Variants in DOP1B observed in about 807,000 individuals in gnomAD.
The protein encoded by DOP1B is protein DOP1B.
In DOP1B, 174 loss-of-function variants were observed where a neutral mutation model predicts 233.5. The observed-to-expected ratio is 0.75, with a 90% CI of 0.66 to 0.85. The LOEUF (loss-of-function observed/expected upper bound fraction) is 0.85, where lower values mean the gene tolerates loss of function less well. DOP1B is among the 40% of genes least tolerant of loss of function. DOP1B has a pLI of 0.00. For synonymous variants in DOP1B, 1,190 were observed against 1,185.6 expected, an observed-to-expected ratio of 1.00 and a Z score of -0.08; for missense variants, 2,652 against 2,846.6, an observed-to-expected ratio of 0.93 and a Z score of 1.56.
chr21:36,239,856 G>T lies in DOP1B; in HGVS notation c.2968G>T (p.Gly990Trp). ...QGWLVRALSL[G>W]DVARILEPVL... ...CTGGCTGGTGCGTGCGCTCTCCCTC[G>T]GGGACGTGGCTCGCATCCTCGAACC... Residue 990 changes from glycine to tryptophan, a missense_variant, in exon 18 of 37, where the codon GGG becomes TGG. By Grantham distance (184) the Gly-to-Trp change is radical (BLOSUM62 -2). Transcript: ENST00000691173. The T allele has an allele frequency of 6.3e-7, 1 of 1,593,844 alleles. No homozygotes were observed. The highest frequency in any genetic ancestry group is 8.5e-7 in the Non-Finnish European group (1 of 1,171,890).
At chr21:36,289,888 G>A (rs1457645718) in intron 35 of DOP1B, among the ~76,000 whole-genome samples, 2 of 152,152 alleles carry the variant, frequency 1.3e-5, no homozygotes, top group African/African-American at 2.4e-5. Context: ...CAGGGGTTGG[G>A]GAGAGGGAGG....
At chr21:36,238,541 C>T in intron 16 of DOP1B, 60 bp from the exon 17 acceptor site, 1 of 1,417,938 alleles carries the variant, frequency 7.1e-7, no homozygotes, top group Non-Finnish European at 1.0e-6. Flanking sequence ...TTTATGGTGA[C>T]TGAAGACAGT....
chr21:36,252,070 A>T (rs2067037815), intron 22 of DOP1B, among the ~76,000 whole-genome samples: 1 of 151,896 alleles, frequency 6.6e-6, no homozygotes, highest in African/African-American at 2.4e-5. Flanking sequence ...CCAGCTACTC[A>T]AGAGGCTAAG....
intron 2 of DOP1B, among the ~76,000 whole-genome samples, chr21:36,166,930 G>A (rs2065916664): frequency 6.6e-6 from 1 of 152,164 alleles, no homozygotes; most frequent in South Asian, 2.1e-4. Flanking sequence ...TGGCTGGGGT[G>A]GATAAATGTT....
intron 30 of DOP1B, 151 bp downstream of exon 30, chr21:36,278,506 C>A: frequency 1.4e-6 from 1 of 726,080 alleles, no homozygotes; most frequent in Non-Finnish European, 2.2e-6. Flanking sequence ...GCATGTTGAC[C>A]ATGTGTTCAT....
rs773259719 is a variant in DOP1B, at chr21:36,292,159, G to T, written c.6571G>T (p.Asp2191Tyr). 1 of 1,612,320 alleles carries T rather than the reference G, an allele frequency of 6.2e-7. No individual in the cohort carries two copies. The highest frequency in any genetic ancestry group is 2.2e-5 in the East Asian group (1 of 44,820). ...VDTEGPAFLS[D>Y]VEENHQECKP... is the part of the protein sequence containing the mutation. ...CACAGAGGGCCCTGCCTTCCTGTCGGATGTAGAGGAGAATCACCAAGAATG... is the reference window on the plus strand; with the variant it reads ...CACAGAGGGCCCTGCCTTCCTGTCGTATGTAGAGGAGAATCACCAAGAATG... Residue 2191 changes from aspartate (D) to tyrosine (Y), a missense_variant, in exon 36 of 37, where the codon GAT (aspartate) becomes TAT (tyrosine). Asp to Tyr is a radical substitution (Grantham distance 160). Coordinates refer to ENST00000691173, the MANE Select transcript of DOP1B (RefSeq NM_001320714.2).
At chr21:36,185,202 A>G (rs976940876) in intron 2 of DOP1B, among the ~76,000 whole-genome samples, 1 of 152,094 alleles carries the variant, frequency 6.6e-6, no homozygotes, top group Admixed American at 6.6e-5. Context: ...TAATGGTATG[A>G]TTACTTTTAT....
At chr21:36,176,129 C>T (rs192631273) in intron 2 of DOP1B, among the ~76,000 whole-genome samples, 89 of 16,346 alleles carry the variant, frequency 5.4e-3, no homozygotes, top group Middle Eastern at 0.038. Flanking sequence ...TGTGGTGATA[C>T]AGTTAAGCAC....
At chr21:36,178,113 T>A (rs2066052711) in intron 2 of DOP1B, among the ~76,000 whole-genome samples, 1 of 152,154 alleles carries the variant, frequency 6.6e-6, no homozygotes, top group South Asian at 2.1e-4. Context: ...TAGCTGTATA[T>A]CAAGGTAGGA....
intron 24 of DOP1B, 173 bp downstream of exon 24, chr21:36,260,905 C>G: frequency 1.4e-6 from 2 of 1,427,514 alleles, no homozygotes; most frequent in Non-Finnish European, 1.8e-6. Flanking sequence ...TTTTCCTTCT[C>G]CAGAGAGTTA....
Position 36,260,733 on chromosome 21 carries a change from G to A in DOP1B, c.5315+1G>A, listed in dbSNP as rs1275652452. 6.2e-7 allele frequency: 1 copy of A among 1,613,920 alleles called. No individual in the cohort carries two copies. Among genetic ancestry groups the A allele is most frequent in the Non-Finnish European group, 8.5e-7 (1 of 1,179,952 alleles). Reference sequence around the variant, plus strand: ...AGTTTTGCTATGCTTTTCTCCAAAGGTAATACAGTCCCCCGTCCTCCAAAA... The same window carrying A: ...AGTTTTGCTATGCTTTTCTCCAAAGATAATACAGTCCCCCGTCCTCCAAAA... On this transcript the variant is annotated splice_donor_variant, in intron 24 of 36. Coordinates refer to ENST00000691173, the MANE Select transcript of DOP1B (RefSeq NM_001320714.2). LOFTEE classifies it high-confidence loss of function.
At chr21:36,240,168 A>G (rs572239413) in intron 18 of DOP1B, among the ~76,000 whole-genome samples, 6 of 152,258 alleles carry the variant, frequency 3.9e-5, no homozygotes, top group African/African-American at 1.4e-4. Context: ...CTGAAAAACC[A>G]GATTGTTTTG....
intron 30 of DOP1B, 131 bp from the exon 31 acceptor site, chr21:36,280,154 C>T (rs1436427831): frequency 1.8e-5 from 11 of 610,116 alleles, no homozygotes; most frequent in East Asian, 3.3e-5. Flanking sequence ...GGATTATAGG[C>T]GTGAGCCACT....
At chr21:36,158,887 G>A (rs2065844765) in intron 1 of DOP1B, among the ~76,000 whole-genome samples, 1 of 151,944 alleles carries the variant, frequency 6.6e-6, no homozygotes, top group African/African-American at 2.4e-5. Context: ...CAACACTTTG[G>A]GAGGCCGAGG....
chr21:36,160,167 A>G (rs1189427330), intron 1 of DOP1B, among the ~76,000 whole-genome samples: 2 of 151,976 alleles, frequency 1.3e-5, no homozygotes, highest in Non-Finnish European at 2.9e-5. Flanking sequence ...ACCATTTTGG[A>G]TATATCAACT....
chr21:36,186,690 A>G (rs983168742), intron 2 of DOP1B, among the ~76,000 whole-genome samples: 157 of 152,194 alleles, frequency 1.0e-3, no homozygotes, highest in African/African-American at 3.7e-3. Flanking sequence ...TGGGCTTTGC[A>G]GGGCGCTGGC....
intron 9 of DOP1B, among the ~76,000 whole-genome samples, chr21:36,219,130 A>G (rs1168297357): frequency 6.6e-6 from 1 of 152,214 alleles, no homozygotes; most frequent in African/African-American, 2.4e-5. Flanking sequence ...TAATAGATGT[A>G]AAACGCGTAG....
At position 36,246,222 on chromosome 21, in the gene DOP1B, A is replaced by C; in HGVS notation, c.4242A>C (p.Pro1414=). 1.2e-6 allele frequency: 2 copies of C among 1,613,876 alleles called. No homozygotes were observed. The highest frequency in any genetic ancestry group is 1.7e-6 in the Non-Finnish European group (2 of 1,180,028). Residue 1414 remains proline (P), a synonymous_variant, in exon 19 of 37, where the codon CCA becomes CCC. Coordinates refer to ENST00000691173, the MANE Select transcript of DOP1B (RefSeq NM_001320714.2). The surrounding 1 kb of genome is among the most constrained non-coding windows in gnomAD (Gnocchi z 5.1). ...LATAHHGRAL[P]EDSLFEESLI... is the part of the protein sequence containing the mutation. Reference sequence around the variant, plus strand: ...CCGCCCACCACGGCAGGGCCCTGCCAGAGGACAGCCTCTTTGAGGAGAGTC... The same window carrying C: ...CCGCCCACCACGGCAGGGCCCTGCCCGAGGACAGCCTCTTTGAGGAGAGTC...
Position 36,199,262 on chromosome 21 carries a change from T to G in DOP1B, c.320+11T>G. On this transcript the variant is annotated intron_variant, in intron 3 of 36. Coordinates refer to ENST00000691173, the MANE Select transcript of DOP1B (RefSeq NM_001320714.2). ...CTTGTTTCTGTACAGGTGCGATTGCTTCTCTGCTGTGTTCCTTTTTATTAC... is the reference window on the plus strand; with the variant it reads ...CTTGTTTCTGTACAGGTGCGATTGCGTCTCTGCTGTGTTCCTTTTTATTAC... The G allele has an allele frequency of 6.2e-7, 1 of 1,604,956 alleles. No individual in the cohort carries two copies.
Sources: gnomAD v4.1 joint callset for allele counts (sites outside exome capture counted in the v4.1 genomes callset) on GRCh38, gnomAD v4.1.1 for gene constraint, Gnocchi (gnomAD v3.1) non-coding constraint, MANE v1.5 for transcripts, NCBI Gene and HGNC (gene_info 2026-07-23, HGNC 2026-07-21) for gene names.